The following KIF23 variants were observed in gnomAD, a reference collection of about 807,000 sequenced individuals.
The protein encoded by KIF23 is kinesin family member 23.
Under a neutral mutation model 137.5 loss-of-function variants are expected in KIF23, and 30 were observed. The ratio of observed to expected loss-of-function variants is 0.22; its 90% CI spans 0.16 to 0.30. The LOEUF (loss-of-function observed/expected upper bound fraction) is 0.30, where lower values mean the gene tolerates loss of function less well. Among genes scored for constraint, KIF23 ranks in the 10% least tolerant of loss-of-function variants. The probability of loss-of-function intolerance (pLI) is 1.00; values close to 1 mark genes in which losing one functional copy is unlikely to be tolerated. For synonymous variants in KIF23, 367 were observed against 391.1 expected (o/e 0.94, Z 0.73); for missense variants, 920 against 1,194.3 (o/e 0.77, Z 3.38).
chr15:69,445,221 T>C (rs1399705343), intron 20 of KIF23, among the ~76,000 whole-genome samples, 180 bp downstream of exon 20: 1 of 152,192 alleles, frequency 6.6e-6, no homozygotes, highest in Non-Finnish European at 1.5e-5. Flanking sequence ...TCTGCCAAAC[T>C]GGGACTAAGT....
In KIF23 at chr15:69,440,309, A is replaced by C; in HGVS notation, c.1931A>C (p.Glu644Ala). 6.2e-7 allele frequency: 1 copy of C among 1,612,502 alleles called. No homozygotes were observed. Among genetic ancestry groups the C allele is most frequent in the Non-Finnish European group, 8.5e-7 (1 of 1,179,496 alleles). Residue 644 changes from glutamate (E) to alanine (A), a missense_variant and splice_region_variant, in exon 18 of 24, where the codon GAG becomes GCG. Physicochemically the swap from Glu to Ala is moderately radical, Grantham distance 107 (BLOSUM62 -1). Transcript: ENST00000679126. ...ETTMKWEKEC[E>A]RRVAAKQLEM... Reference sequence around the variant, plus strand: ...TACATTGCCACTGATAATCTGTAGGAGCGTAGAGTGGCAGCCAAACAGCTG... The same window carrying C: ...TACATTGCCACTGATAATCTGTAGGCGCGTAGAGTGGCAGCCAAACAGCTG...
intron 11 of KIF23, among the ~76,000 whole-genome samples, chr15:69,432,525 C>G (rs1040725560): frequency 2.0e-5 from 3 of 151,826 alleles, no homozygotes; most frequent in Non-Finnish European, 4.4e-5. Context: ...CTTTAGAAAA[C>G]AAGTAGCTTT....
intron 11 of KIF23, among the ~76,000 whole-genome samples, chr15:69,431,018 A>G (rs2057344234): frequency 6.6e-6 from 1 of 152,138 alleles, no homozygotes; most frequent in African/African-American, 2.4e-5. Context: ...GAAATAATTT[A>G]CCAGGAGCGA....
intron 11 of KIF23, among the ~76,000 whole-genome samples, chr15:69,431,441 ATC>A (rs1015157390): frequency 6.6e-6 from 1 of 152,128 alleles, no homozygotes; most frequent in African/African-American, 2.4e-5. Flanking sequence ...GTGAAACCCC[ATC>A]TCTACTAAAA....
intron 7 of KIF23, among the ~76,000 whole-genome samples, chr15:69,424,797 C>A (rs11072097): frequency 3.3e-5 from 5 of 152,144 alleles, no homozygotes; most frequent in East Asian, 1.9e-4. Flanking sequence ...TGTGAGCCAC[C>A]ATGCCTGGCC....
In KIF23 at chr15:69,435,640, A is replaced by T. The variant is rs1348193215; in HGVS notation, c.1195-12A>T. Reference sequence around the variant, plus strand: ...TTTTGCGTAACACATTTGGATATGAATGTCTTTGTAGATGGTTCCATATCG... The same window carrying T: ...TTTTGCGTAACACATTTGGATATGATTGTCTTTGTAGATGGTTCCATATCG... On this transcript the variant is annotated splice_polypyrimidine_tract_variant and intron_variant, in intron 12 of 23. Transcript: ENST00000679126. The T allele has an allele frequency of 6.2e-7, 1 of 1,613,284 alleles. No individual in the cohort carries two copies. The highest frequency in any genetic ancestry group is 8.5e-7 in the Non-Finnish European group (1 of 1,179,824).
At chr15:69,437,884 A>C (rs957661485) in intron 15 of KIF23, among the ~76,000 whole-genome samples, 1 of 152,250 alleles carries the variant, frequency 6.6e-6, no homozygotes, top group Non-Finnish European at 1.5e-5. Context: ...CTAAGTCATA[A>C]CTAGTAAGTG....
intron 18 of KIF23, 125 bp from the exon 19 acceptor site, chr15:69,440,643 C>A: frequency 1.8e-6 from 2 of 1,128,178 alleles, no homozygotes; most frequent in Non-Finnish European, 2.4e-6. Flanking sequence ...AAATTTAGCA[C>A]AAAAAAATAG....
At position 69,426,616 on chromosome 15, in the gene KIF23, G is replaced by T. The variant is rs570752544; in HGVS notation, c.1011+159G>T. On this transcript the variant is annotated intron_variant, in intron 10 of 23. Transcript: ENST00000679126. ...CACTCCTGTAATCCCAGCTACTTGT[G>T]TACCTGAGGCAGGAGGATCGCTTGA... 4.3e-5 allele frequency: 30 copies of T among 701,768 alleles called. No individual in the cohort carries two copies. The South Asian group carries it at 5.0e-4, about 12-fold the overall frequency. The allele number at this position is 701,768 out of a possible 1,614,324, so 43.5% of individuals were successfully genotyped here.
At chr15:69,446,660 T>A in intron 22 of KIF23, 1 of 627,986 alleles carries the variant, frequency 1.6e-6, no homozygotes, top group East Asian at 2.7e-5. Context: ...ATGAGATAAG[T>A]TACCTGGATG....
intron 11 of KIF23, chr15:69,435,017 G>A (rs563015555): frequency 2.9e-5 from 17 of 592,528 alleles, no homozygotes; most frequent in East Asian, 2.8e-4. Context: ...TCAACACCGC[G>A]TTGGCATCTC....
At chr15:69,446,840 G>T in intron 22 of KIF23, 31 bp from the exon 23 acceptor site, 1 of 1,595,642 alleles carries the variant, frequency 6.3e-7, no homozygotes, top group South Asian at 1.1e-5. Flanking sequence ...GAGAGGAGCT[G>T]ATCTTTTTCC....
intron 6 of KIF23, 97 bp downstream of exon 6, chr15:69,422,532 A>C: frequency 1.4e-6 from 1 of 710,700 alleles, no homozygotes; most frequent in Non-Finnish European, 2.5e-6. Context: ...TTAAATAGAG[A>C]AGTTGACTTT....
At position 69,445,049 on chromosome 15, in the gene KIF23, AC is replaced by A; in HGVS notation, c.2673+9del. On this transcript the variant is annotated intron_variant, in intron 20 of 23. Transcript: ENST00000679126. ...GAAACTAAACTAATTAAGGTAAAAA[AC>A]TAATTTTCACAGGAGAAAAAAATAT... The A allele has an allele frequency of 1.3e-6, 2 of 1,592,508 alleles. No homozygotes were observed. Among genetic ancestry groups the A allele is most frequent in the Non-Finnish European group, 1.7e-6 (2 of 1,169,562 alleles).
chr15:69,418,533 C>T (rs904848532), intron 3 of KIF23, among the ~76,000 whole-genome samples: 1 of 152,168 alleles, frequency 6.6e-6, no homozygotes, highest in African/African-American at 2.4e-5. Context: ...TTACTTGCCT[C>T]TCCTTATAAC....
chr15:69,442,712 TC>T (rs2057650114), intron 19 of KIF23, among the ~76,000 whole-genome samples: 1 of 152,234 alleles, frequency 6.6e-6, no homozygotes, highest in African/African-American at 2.4e-5. Context: ...TGAAAACTAT[TC>T]AAGGCTTGCG....
chr15:69,438,924 C>T (rs777358240), intron 16 of KIF23, among the ~76,000 whole-genome samples: 1 of 151,868 alleles, frequency 6.6e-6, no homozygotes, highest in Non-Finnish European at 1.5e-5. Flanking sequence ...GGCAACGTGG[C>T]GAAACCCCAT....
chr15:69,415,048 G>C (rs545314198), intron 1 of KIF23: 1 of 152,416 alleles, frequency 6.6e-6, no homozygotes, highest in South Asian at 2.1e-4. Flanking sequence ...TGTATTTTGT[G>C]GCCGCAGAGA....
Position 69,422,313 on chromosome 15 carries a change from GC to G in KIF23, c.454-8del. 1 of 1,281,958 alleles carries G rather than the reference GC, an allele frequency of 7.8e-7. No homozygotes were observed. The highest frequency in any genetic ancestry group is 2.5e-5 in the East Asian group (1 of 40,354). The allele number at this position is 1,281,958 out of a possible 1,614,324, so 79.4% of individuals were successfully genotyped here. A position where few individuals can be genotyped will look rare whatever the true frequency, so the allele number is the denominator to read the frequency against. On this transcript the variant is annotated splice_polypyrimidine_tract_variant and intron_variant, in intron 5 of 23. Coordinates refer to ENST00000679126, the MANE Select transcript of KIF23 (RefSeq NM_001367805.3). The stretch of plus-strand genomic sequence containing the variant: ...AACGTGGTGTGATTTTTTTTTTTTT[GC>G]CCCCACTTCAGGTTTTCAAATCTAA...
Sources: allele counts gnomAD v4.1 joint callset (sites outside exome capture counted in the v4.1 genomes callset), GRCh38; gene constraint gnomAD v4.1.1; transcripts MANE v1.5; gene names NCBI Gene and HGNC (gene_info 2026-07-23, HGNC 2026-07-21).